KIF7: variants seen among roughly 807,000 people sequenced by gnomAD.
KIF7 encodes the protein kinesin-like protein KIF7.
KIF7 carries 104 observed loss-of-function variants against 135.7 expected under a neutral mutation model. The observed-to-expected ratio is 0.77, with a 90% CI of 0.65 to 0.90. KIF7 has a LOEUF of 0.90. KIF7 is among the 40% of genes least tolerant of loss of function. The pLI is 0.00. For synonymous variants in KIF7, 883 were observed against 809.4 expected, an observed-to-expected ratio of 1.09 and a Z score of -1.54; for missense variants, 2,005 against 1,839.1, an observed-to-expected ratio of 1.09 and a Z score of -1.65.
intron 1 of KIF7, chr15:89,618,252 C>T: frequency 6.3e-7 from 1 of 1,576,848 alleles, no homozygotes; most frequent in Non-Finnish European, 8.7e-7. Context: ...ATCTACCCAG[C>T]TTCTATGAAA....
intron 11 of KIF7, among the ~76,000 whole-genome samples, chr15:89,634,966 G>A (rs552375713): frequency 5.4e-4 from 82 of 152,344 alleles, no homozygotes; most frequent in Non-Finnish European, 9.0e-4. Context: ...CTCCCAGCAC[G>A]CAGCTGGAGA....
At chr15:89,629,755 G>A (rs1034486856) in intron 16 of KIF7, 182 bp from the exon 17 acceptor site, 70 of 725,214 alleles carry the variant, frequency 9.7e-5, no homozygotes, top group African/African-American at 6.0e-4. Context: ...ATCTTCCAAC[G>A]ATCAGAGCTG....
intron 2 of KIF7, among the ~76,000 whole-genome samples, chr15:89,652,368 T>C (rs1351188009): frequency 2.0e-5 from 3 of 152,048 alleles, no homozygotes; most frequent in African/African-American, 7.2e-5. Flanking sequence ...CATGGCGCCA[T>C]CTCTATGGAG....
At chr15:89,660,370 T>C (rs1964245855), upstream of KIF7, among the ~76,000 whole-genome samples, 1 of 152,216 alleles carries the variant, frequency 6.6e-6, no homozygotes, top group Non-Finnish European at 1.5e-5. Context: ...ATCCCCCTTT[T>C]AAACCAGGAG....
At chr15:89,620,923 T>C (rs191563561) in intron 1 of KIF7, among the ~76,000 whole-genome samples, 7 of 150,934 alleles carry the variant, frequency 4.6e-5, no homozygotes, top group Non-Finnish European at 8.9e-5. Flanking sequence ...CAGGTTTCAC[T>C]GTGTTAGCCA....
In KIF7 at chr15:89,628,460, C is replaced by T. The variant is rs775649452; in HGVS notation, c.3991G>A (p.Ala1331Thr). The change falls in exon 19 of 19, where the codon GCC becomes ACC. Residue 1331 changes from alanine to threonine, a missense_variant. By Grantham distance (58) the Ala-to-Thr change is moderately conservative. Transcript: ENST00000394412. Reference sequence around the variant, plus strand: ...CGGACATCAATCATCCCCGGGCTGGCTCGTCGCAGTTCCCGCCGGGGCTTG... The same window carrying T: ...CGGACATCAATCATCCCCGGGCTGGTTCGTCGCAGTTCCCGCCGGGGCTTG... ...LSKPRRELRR[A>T]SPGMIDVRKN... 1 of 1,609,100 alleles carries T rather than the reference C, an allele frequency of 6.2e-7. No homozygotes were observed. Among genetic ancestry groups the T allele is most frequent in the Non-Finnish European group, 8.5e-7 (1 of 1,177,208 alleles).
chr15:89,629,662 T>C lies in KIF7; in HGVS notation c.3319-89A>G, dbSNP rs1382790000. 25 of 1,549,920 alleles carry C rather than the reference T, an allele frequency of 1.6e-5. No homozygotes were observed. In the East Asian group the frequency reaches 3.2e-4, roughly 20 times the overall value. On this transcript the variant is annotated intron_variant, in intron 16 of 18. Transcript: ENST00000394412. The stretch of plus-strand genomic sequence containing the variant: ...ATCACAGACACAGTATTGGCACACT[T>C]GCCACCACGGCACTAAGAAATCACC...
chr15:89,625,349 A>C, downstream of KIF7: 1 of 1,613,952 alleles, frequency 6.2e-7, no homozygotes, highest in Non-Finnish European at 8.5e-7. Flanking sequence ...ACAACTCCAG[A>C]CATAATTAAA....
chr15:89,621,438 G>C (rs780252923), intron 1 of KIF7: 3 of 1,613,972 alleles, frequency 1.9e-6, no homozygotes, highest in Admixed American at 3.3e-5. Context: ...TCTCCCAAGA[G>C]TCTTCTTTTT....
At chr15:89,655,081 G>A (rs1964187055) in intron 1 of KIF7, among the ~76,000 whole-genome samples, 1 of 152,194 alleles carries the variant, frequency 6.6e-6, no homozygotes, top group African/African-American at 2.4e-5. Flanking sequence ...CGGCGGGCGC[G>A]GGACGGAGCT....
At chr15:89,653,370 C>A (rs1376245040) in intron 1 of KIF7, among the ~76,000 whole-genome samples, 1 of 152,172 alleles carries the variant, frequency 6.6e-6, no homozygotes, top group Non-Finnish European at 1.5e-5. Context: ...CCACCTTCTT[C>A]AAAAAAGTCA....
At position 89,645,346 on chromosome 15, in the gene KIF7, T is replaced by C; in HGVS notation, c.2028A>G (p.Pro676=). 1.2e-6 allele frequency: 2 copies of C among 1,613,966 alleles called. No homozygotes were observed. The highest frequency in any genetic ancestry group is 1.7e-6 in the Non-Finnish European group (2 of 1,179,866). Residue 676 remains proline, a synonymous_variant, in exon 9 of 19, where the codon CCA becomes CCG. Transcript: ENST00000394412. The stretch of plus-strand genomic sequence containing the variant: ...TCCCACCCAGCTTACCTCTGGACCC[T>C]GGAATGGCTGCATCCAACTCCTCAA... ...LCLEELDAAI[P]GSRAVGGSKA...
intron 1 of KIF7, chr15:89,619,853 G>T: frequency 1.2e-6 from 2 of 1,601,150 alleles, no homozygotes; most frequent in Non-Finnish European, 1.7e-6. Flanking sequence ...GTAACATACG[G>T]GCCCCTCTGC....
chr15:89,653,240 A>G (rs1964153672), intron 1 of KIF7, among the ~76,000 whole-genome samples: 1 of 152,078 alleles, frequency 6.6e-6, no homozygotes, highest in South Asian at 2.1e-4. Flanking sequence ...TATGGCCCCT[A>G]TGGCCCCATC....
Position 89,649,169 on chromosome 15 carries a change from A to G in KIF7, c.728T>C (p.Leu243Pro). The change falls in exon 4 of 19, where the codon CTG becomes CCG. Residue 243 changes from leucine (L) to proline (P), a missense_variant. Transcript: ENST00000394412. Reference protein sequence around the residue: ...SRLPRPAPGQLLVSKFHFVDL... With the variant: ...SRLPRPAPGQPLVSKFHFVDL... The stretch of plus-strand genomic sequence containing the variant: ...CACGAAGTGGAACTTGGAGACGAGC[A>G]GCTGGCCCGGGGCGGGGCGGGGTAG... The G allele has an allele frequency of 6.5e-7, 1 of 1,548,256 alleles. No homozygotes were observed. The highest frequency in any genetic ancestry group is 8.7e-7 in the Non-Finnish European group (1 of 1,146,690).
At chr15:89,643,851 C>T (rs966553628) in intron 10 of KIF7, among the ~76,000 whole-genome samples, 1 of 138,510 alleles carries the variant, frequency 7.2e-6, no homozygotes, top group Non-Finnish European at 1.5e-5. Flanking sequence ...TGCCACTGCA[C>T]TCCAGCTTGG....
chr15:89,646,836 C>G lies in KIF7; in HGVS notation c.1782G>C (p.Arg594Ser). The change falls in exon 7 of 19, where the codon AGG becomes AGC. Residue 594 changes from arginine (R) to serine (S), a missense_variant. By Grantham distance (110) the Arg-to-Ser change is moderately radical. Transcript: ENST00000394412. ...LPGDEVGSEQ[R>S]GEQVTNGREA... ...AGCCTCACCCTCTTCTCACCTCTCC[C>G]CTCTGCTCAGAGCCAACTTCATCTC... is the stretch of plus-strand genomic sequence containing the variant. 6.2e-7 allele frequency: 1 copy of G among 1,614,000 alleles called. No individual in the cohort carries two copies. Among genetic ancestry groups the G allele is most frequent in the Non-Finnish European group, 8.5e-7 (1 of 1,180,016 alleles).
chr15:89,644,963 G>A (rs751866177), intron 10 of KIF7, 50 bp downstream of exon 10: 39 of 1,600,780 alleles, frequency 2.4e-5, no homozygotes, highest in Admixed American at 3.3e-5. Context: ...CAGAAGTAAC[G>A]ATGAGAAGTC....
rs376062532 is a variant in KIF7 at position 89,629,138 on chromosome 15, C to G, written c.3518-16G>C. 2 of 1,576,350 alleles carry G rather than the reference C, an allele frequency of 1.3e-6. No individual in the cohort carries two copies. The highest frequency in any genetic ancestry group is 1.7e-6 in the Non-Finnish European group (2 of 1,163,910). On this transcript the variant is annotated splice_polypyrimidine_tract_variant and intron_variant, in intron 17 of 18. Transcript: ENST00000394412. The stretch of plus-strand genomic sequence containing the variant: ...CCGAGGTGGTCTAGAGTGGAAAGGT[C>G]GAGGAGAGGGTGGTGAGGGCTGCAG...
Sources: allele counts gnomAD v4.1 joint callset (sites outside exome capture counted in the v4.1 genomes callset), GRCh38; gene constraint gnomAD v4.1.1; transcripts MANE v1.5; gene names NCBI Gene and HGNC (gene_info 2026-07-23, HGNC 2026-07-21).